Variants in MACROD2 observed in about 807,000 individuals in gnomAD.
MACROD2 encodes ADP-ribose glycohydrolase MACROD2.
MACROD2 carries 36 observed loss-of-function variants against 70.4 expected under a neutral mutation model. The ratio of observed to expected loss-of-function variants is 0.51; its 90% CI spans 0.39 to 0.68. The LOEUF (loss-of-function observed/expected upper bound fraction) is 0.68. Ranked by LOEUF, MACROD2 falls within the 30% of genes least tolerant of loss-of-function variation. MACROD2 has a pLI of 0.00. For missense variants in MACROD2, 496 were observed against 538.4 expected (o/e 0.92, Z 0.78); for synonymous variants, 172 against 178.8 (o/e 0.96, Z 0.30).
chr20:15,276,325 G>A (rs938398358), intron 6 of MACROD2, among the ~76,000 whole-genome samples: 14 of 151,198 alleles, frequency 9.3e-5, no homozygotes, highest in East Asian at 1.9e-4. Flanking sequence ...GCGTGAACCC[G>A]GGAGGCGGAG....
intron 8 of MACROD2, among the ~76,000 whole-genome samples, chr20:15,693,574 C>G (rs1252963564): frequency 1.3e-5 from 2 of 152,132 alleles, no homozygotes; most frequent in African/African-American, 4.8e-5. Flanking sequence ...TTCATCTTCA[C>G]TAAGCCATCA....
At chr20:15,779,122 C>G (rs2051786431) in intron 8 of MACROD2, among the ~76,000 whole-genome samples, 1 of 152,060 alleles carries the variant, frequency 6.6e-6, no homozygotes, top group Non-Finnish European at 1.5e-5. Context: ...CCATGGGGAT[C>G]CCAGGAGTTA....
At chr20:15,821,119 T>C (rs2063933905) in intron 8 of MACROD2, among the ~76,000 whole-genome samples, 1 of 152,210 alleles carries the variant, frequency 6.6e-6, no homozygotes, top group Non-Finnish European at 1.5e-5. Context: ...GACCATAAAT[T>C]CTTAATTTTA....
At chr20:15,744,100 G>A (rs1482500068) in intron 8 of MACROD2, among the ~76,000 whole-genome samples, 1 of 150,032 alleles carries the variant, frequency 6.7e-6, no homozygotes, top group African/African-American at 2.4e-5. Flanking sequence ...ATACAGTTTA[G>A]TTGTATCTCT....
chr20:14,893,682 GT>G lies in MACROD2; in HGVS notation c.418+208724del, dbSNP rs774038672. 7 of 151,840 alleles carry G rather than the reference GT, an allele frequency of 4.6e-5. No individual in the cohort carries two copies. The South Asian group carries it at 1.5e-3, about 32-fold the overall frequency. The allele number at this position is 151,840 out of a possible 1,614,324, so 9.4% of individuals were successfully genotyped here. A position where few individuals can be genotyped will look rare whatever the true frequency, so the allele number is the denominator to read the frequency against. Reference sequence around the variant, plus strand: ...ACTAGCCAGTTTATATTTTTCTTTTGTGATTTGTAAGTTCATAATCTATACC... The same window carrying G: ...ACTAGCCAGTTTATATTTTTCTTTTGGATTTGTAAGTTCATAATCTATACC... On this transcript the variant is annotated intron_variant, in intron 5 of 17. Transcript: ENST00000684519.
chr20:14,185,662 TA>T (rs1056112906), intron 3 of MACROD2, among the ~76,000 whole-genome samples: 11 of 152,032 alleles, frequency 7.2e-5, no homozygotes, highest in Admixed American at 5.2e-4. Flanking sequence ...TGTAGTAGAG[TA>T]ATTCAGAGGA....
At chr20:15,731,348 G>A (rs2050942884) in intron 8 of MACROD2, among the ~76,000 whole-genome samples, 1 of 58,226 alleles carries the variant, frequency 1.7e-5, no homozygotes, top group Non-Finnish European at 4.8e-5. Context: ...TCTTTTGGAT[G>A]AGGTTTTTTT....
intron 5 of MACROD2, among the ~76,000 whole-genome samples, chr20:14,968,118 G>T (rs77177573): frequency 0.028 from 4,213 of 152,182 alleles, 199 homozygotes; most frequent in African/African-American, 0.096. Flanking sequence ...TGTGTATAAA[G>T]TCTTTAAATT....
In MACROD2 at chr20:14,152,596, T is replaced by G. The variant is rs571206855; in HGVS notation, c.271+66868T>G. 2.0e-5 allele frequency among the ~76,000 whole-genome samples: 3 copies of G among 152,134 alleles called. No individual in the cohort carries two copies. The South Asian group carries it at 6.2e-4, about 32-fold the overall frequency. ...TGTGCACCACCATGCCCGGCTAATT[T>G]TTGTATTTTTAGTAGAGATGGGGTT... On this transcript the variant is annotated intron_variant, in intron 3 of 17. Coordinates refer to ENST00000684519, the MANE Select transcript of MACROD2 (RefSeq NM_001351661.2).
chr20:15,677,687 C>T (rs1004866584), intron 8 of MACROD2, among the ~76,000 whole-genome samples: 1 of 19,542 alleles, frequency 5.1e-5, no homozygotes, highest in African/African-American at 2.1e-4. Flanking sequence ...AACCAACCAA[C>T]CAACCAACCA....
intron 5 of MACROD2, among the ~76,000 whole-genome samples, chr20:14,984,712 T>A (rs1334082819): frequency 6.6e-6 from 1 of 152,134 alleles, no homozygotes; most frequent in Non-Finnish European, 1.5e-5. Flanking sequence ...TAGCTGTAAT[T>A]TGAGAATAAC....
chr20:14,139,473 T>C (rs962225422), intron 3 of MACROD2, among the ~76,000 whole-genome samples: 2 of 152,308 alleles, frequency 1.3e-5, no homozygotes, highest in East Asian at 3.9e-4. Context: ...CTGGTTTTAC[T>C]CATCTGTTCC....
At chr20:14,342,468 T>C (rs1457185422) in intron 3 of MACROD2, among the ~76,000 whole-genome samples, 2 of 152,204 alleles carry the variant, frequency 1.3e-5, no homozygotes, top group Non-Finnish European at 2.9e-5. Context: ...TAGTGATGCA[T>C]GTCAGGGCAC....
chr20:15,166,020 A>G (rs2076381196), intron 5 of MACROD2, among the ~76,000 whole-genome samples: 1 of 152,172 alleles, frequency 6.6e-6, no homozygotes, highest in African/African-American at 2.4e-5. Context: ...GCATGATTCT[A>G]TTGATGCGAA....
Position 14,673,777 on chromosome 20 carries a change from G to A in MACROD2, c.302-11066G>A, listed in dbSNP as rs111515858. Among the ~76,000 whole-genome samples, 1,324 of 152,002 alleles carry A rather than the reference G, an allele frequency of 8.7e-3. 13 individuals carry two copies. The highest frequency in any genetic ancestry group is 0.03 in the African/African-American group (1,253 of 41,456). ...TTACTAAAAAAACAAAAAATTAGCTGGGTGTGGTGGTGGGCGCCTGTAATC... is the reference window on the plus strand; with the variant it reads ...TTACTAAAAAAACAAAAAATTAGCTAGGTGTGGTGGTGGGCGCCTGTAATC... On this transcript the variant is annotated intron_variant, in intron 4 of 17. Coordinates refer to ENST00000684519, the MANE Select transcript of MACROD2 (RefSeq NM_001351661.2).
chr20:15,327,907 C>T (rs557490434), intron 6 of MACROD2, among the ~76,000 whole-genome samples: 1 of 152,176 alleles, frequency 6.6e-6, no homozygotes, highest in East Asian at 1.9e-4. Flanking sequence ...GGTCTAGGTA[C>T]TTGACACATA....
At chr20:15,500,335 T>A (rs967310843) in intron 8 of MACROD2, among the ~76,000 whole-genome samples, 5 of 152,324 alleles carry the variant, frequency 3.3e-5, no homozygotes, top group African/African-American at 4.8e-5. Context: ...AAAATCGTTA[T>A]GAGCGGGATT....
At chr20:14,605,607 A>G (rs960029518) in intron 4 of MACROD2, among the ~76,000 whole-genome samples, 2 of 152,136 alleles carry the variant, frequency 1.3e-5, no homozygotes, top group East Asian at 1.9e-4. Context: ...CAAGATTTTC[A>G]CTATATACTG....
chr20:15,417,598 CA>C (rs71340225), intron 6 of MACROD2, among the ~76,000 whole-genome samples: 6,023 of 69,304 alleles, frequency 0.087, 460 homozygotes, highest in African/African-American at 0.27. Flanking sequence ...AACCCTGTCT[CA>C]AAAAAAAAAA....
Sources: gnomAD v4.1 joint callset for allele counts (sites outside exome capture counted in the v4.1 genomes callset) on GRCh38, gnomAD v4.1.1 for gene constraint, MANE v1.5 for transcripts, NCBI Gene and HGNC (gene_info 2026-07-23, HGNC 2026-07-21) for gene names.